ERBB4: variants seen among roughly 807,000 people sequenced by gnomAD.
The protein encoded by ERBB4 is erb-b2 receptor tyrosine kinase 4, also known as receptor tyrosine-protein kinase erbB-4.
In ERBB4, 42 loss-of-function variants were observed where a neutral mutation model predicts 158.0. The observed-to-expected ratio is 0.27, with a 90% CI of 0.21 to 0.34. The LOEUF (loss-of-function observed/expected upper bound fraction) is 0.34. Ranked by LOEUF, ERBB4 falls within the 10% of genes least tolerant of loss-of-function variation. ERBB4 has a pLI of 1.00. For missense variants in ERBB4, 1,333 were observed against 1,624.1 expected (o/e 0.82, Z 3.08); for synonymous variants, 583 against 558.7 (o/e 1.04, Z -0.61).
At chr2:211,797,333 G>A (rs2076403157) in intron 3 of ERBB4, among the ~76,000 whole-genome samples, 1 of 151,814 alleles carries the variant, frequency 6.6e-6, no homozygotes, top group African/African-American at 2.4e-5. Context: ...CAATAAGCCT[G>A]GGGATATACT....
intron 1 of ERBB4, among the ~76,000 whole-genome samples, chr2:212,341,579 G>A (rs567449906): frequency 2.7e-5 from 4 of 150,402 alleles, no homozygotes; most frequent in African/African-American, 4.9e-5. Context: ...AGGGATAGAC[G>A]AGAGCTCCAT....
intron 1 of ERBB4, among the ~76,000 whole-genome samples, chr2:212,446,103 T>C (rs1045674999): frequency 2.0e-5 from 3 of 152,192 alleles, no homozygotes; most frequent in Non-Finnish European, 4.4e-5. Flanking sequence ...GATAGTTGTA[T>C]TATGTTAGGC....
chr2:211,544,525 A>G lies in ERBB4; in HGVS notation c.2487+17378T>C, dbSNP rs1038029967. Among the ~76,000 whole-genome samples, 105 of 152,028 alleles carry G rather than the reference A, an allele frequency of 6.9e-4. 6 individuals are homozygous for G. ...AATCATGCCTCCATGCTTACCAGCTATGCAACCTTGAACACACTTAGGACC... is the reference window on the plus strand; with the variant it reads ...AATCATGCCTCCATGCTTACCAGCTGTGCAACCTTGAACACACTTAGGACC... On this transcript the variant is annotated intron_variant, in intron 20 of 27. Coordinates refer to ENST00000342788, the MANE Select transcript of ERBB4 (RefSeq NM_005235.3).
At chr2:212,189,177 T>C (rs987614812) in intron 1 of ERBB4, among the ~76,000 whole-genome samples, 2 of 152,066 alleles carry the variant, frequency 1.3e-5, no homozygotes, top group Non-Finnish European at 2.9e-5. Context: ...AGCACTTCCT[T>C]TGAGCATCAA....
chr2:211,967,661 A>G (rs1055977741), intron 2 of ERBB4, among the ~76,000 whole-genome samples: 1 of 152,048 alleles, frequency 6.6e-6, no homozygotes, highest in East Asian at 1.9e-4. Flanking sequence ...TATGCAGGTT[A>G]TTTTGAAGAT....
chr2:211,785,093 C>CT (rs1553633108), intron 4 of ERBB4, among the ~76,000 whole-genome samples: 2,167 of 132,728 alleles, frequency 0.016, 66 homozygotes, highest in African/African-American at 0.048. Flanking sequence ...GATGCACAGC[C>CT]TTTTTTTTTT....
intron 25 of ERBB4, among the ~76,000 whole-genome samples, chr2:211,401,121 A>G (rs1159590990): frequency 1.3e-5 from 2 of 152,048 alleles, no homozygotes; most frequent in African/African-American, 4.8e-5. Context: ...TTTTCAGTGC[A>G]GCAGTAATTC....
chr2:212,313,390 C>G (rs1289218221), intron 1 of ERBB4, among the ~76,000 whole-genome samples: 1 of 150,820 alleles, frequency 6.6e-6, no homozygotes, highest in Non-Finnish European at 1.5e-5. Context: ...TTTTCATTTA[C>G]ATAATTTGAT....
At chr2:212,262,518 A>G (rs2084983856) in intron 1 of ERBB4, among the ~76,000 whole-genome samples, 3 of 152,158 alleles carry the variant, frequency 2.0e-5, no homozygotes, top group Admixed American at 1.3e-4. Context: ...AAATATATTT[A>G]TATCATAATT....
At chr2:211,851,196 G>T (rs2077713187) in intron 3 of ERBB4, among the ~76,000 whole-genome samples, 1 of 151,780 alleles carries the variant, frequency 6.6e-6, no homozygotes, top group Admixed American at 6.6e-5. Flanking sequence ...CTCCATAGAA[G>T]AAACTGCAAA....
intron 20 of ERBB4, among the ~76,000 whole-genome samples, chr2:211,479,184 C>G (rs1574570246): frequency 1.3e-5 from 2 of 152,112 alleles, no homozygotes; most frequent in Admixed American, 6.6e-5. Context: ...AAAAATGTAA[C>G]TTTCTAGCAC....
chr2:212,142,828 G>A (rs1173951006), intron 1 of ERBB4, among the ~76,000 whole-genome samples: 1 of 151,694 alleles, frequency 6.6e-6, no homozygotes, highest in Admixed American at 6.6e-5. Context: ...AAAATGTTAC[G>A]CTGCCAGAAG....
intron 20 of ERBB4, among the ~76,000 whole-genome samples, chr2:211,560,946 A>G (rs1048441807): frequency 1.3e-5 from 2 of 152,188 alleles, no homozygotes; most frequent in Non-Finnish European, 2.9e-5. Context: ...TTATTTTGGC[A>G]TTTATATTGT....
intron 1 of ERBB4, among the ~76,000 whole-genome samples, chr2:212,497,614 G>T (rs1690652641): frequency 6.6e-6 from 1 of 152,046 alleles, no homozygotes; most frequent in Admixed American, 6.6e-5. Flanking sequence ...TCTCCTTTTG[G>T]AACATACAAG....
intron 2 of ERBB4, among the ~76,000 whole-genome samples, chr2:211,986,855 A>G (rs1333770102): frequency 1.3e-5 from 2 of 152,208 alleles, no homozygotes; most frequent in Non-Finnish European, 2.9e-5. Context: ...TGGGTGAAGT[A>G]AAGTTTATTT....
At chr2:211,452,972 T>C (rs966336287) in intron 20 of ERBB4, among the ~76,000 whole-genome samples, 1 of 152,208 alleles carries the variant, frequency 6.6e-6, no homozygotes, top group Non-Finnish European at 1.5e-5. Context: ...AAGAAGCCAT[T>C]GAAAACTGAA....
chr2:212,178,872 T>C (rs1167361510), intron 1 of ERBB4, among the ~76,000 whole-genome samples: 2 of 151,646 alleles, frequency 1.3e-5, no homozygotes, highest in African/African-American at 2.4e-5. Flanking sequence ...AATTATAGTC[T>C]AGATAAAGGT....
rs541237284 is a variant in ERBB4 at position 211,549,042 on chromosome 2, T to C, written c.2487+12861A>G. Among the ~76,000 whole-genome samples, 83 of 152,208 alleles carry C rather than the reference T, an allele frequency of 5.5e-4. 1 individual carries two copies. The highest frequency in any genetic ancestry group is 2.3e-3 in the East Asian group (12 of 5,168). Reference sequence around the variant, plus strand: ...TTCTCTCTGCGTCATTTTTTAATTGTTTTTCTTTCCTTGTGTAGAAACAGC... The same window carrying C: ...TTCTCTCTGCGTCATTTTTTAATTGCTTTTCTTTCCTTGTGTAGAAACAGC... On this transcript the variant is annotated intron_variant, in intron 20 of 27. Transcript: ENST00000342788.
chr2:212,039,326 A>G (rs1379272578), intron 2 of ERBB4, among the ~76,000 whole-genome samples: 12 of 152,142 alleles, frequency 7.9e-5, no homozygotes. Flanking sequence ...TTGAAGGGTT[A>G]CTAATAGCAC....
Sources: allele counts gnomAD v4.1 joint callset (sites outside exome capture counted in the v4.1 genomes callset), GRCh38; gene constraint gnomAD v4.1.1; transcripts MANE v1.5; gene names NCBI Gene and HGNC (gene_info 2026-07-23, HGNC 2026-07-21).